Variants in BLOC1S5 observed in about 807,000 individuals in gnomAD.
BLOC1S5 encodes the protein biogenesis of lysosome-related organelles complex 1 subunit 5.
Under a neutral mutation model 24.3 loss-of-function variants are expected in BLOC1S5, and 27 were observed. The ratio of observed to expected loss-of-function variants is 1.11; its 90% CI spans 0.82 to 1.53. BLOC1S5 has a LOEUF of 1.53. Among genes scored for constraint, BLOC1S5 ranks in the 40% most tolerant of loss-of-function variants. BLOC1S5 has a pLI of 0.00. For synonymous variants in BLOC1S5, 84 were observed against 74.5 expected (o/e 1.13, Z -0.66); for missense variants, 239 against 229.4 (o/e 1.04, Z -0.27).
At chr6:8,063,437 G>A (rs990656903) in intron 1 of BLOC1S5, among the ~76,000 whole-genome samples, 1 of 152,136 alleles carries the variant, frequency 6.6e-6, no homozygotes, top group Non-Finnish European at 1.5e-5. Flanking sequence ...AAAATTCCTT[G>A]AGAAATTAAA....
chr6:8,063,635 T>C (rs995280569), intron 1 of BLOC1S5, among the ~76,000 whole-genome samples: 1 of 152,184 alleles, frequency 6.6e-6, no homozygotes, highest in Non-Finnish European at 1.5e-5. Context: ...ATCTGGTATA[T>C]ATAAAGCACT....
rs965230347 is a variant in BLOC1S5, at chr6:8,024,449, C to A, written c.384+1918G>T. Among the ~76,000 whole-genome samples the A allele has an allele frequency of 2.4e-4, 32 of 131,542 alleles. 1 individual carries two copies. The highest frequency in any genetic ancestry group is 3.1e-5 in the Non-Finnish European group (2 of 65,084). The allele number at this position is 131,542 out of a possible 152,430, so 86.3% of individuals were successfully genotyped here. ...AGGAGAATAGCTTGAACCTGGGAGG[C>A]AGCGATTGCAGTGAGCCACTGCACC... On this transcript the variant is annotated intron_variant, in intron 4 of 4. Transcript: ENST00000397457.
At chr6:8,027,225 T>C (rs1427290028) in intron 3 of BLOC1S5, 2 of 385,182 alleles carry the variant, frequency 5.2e-6, no homozygotes, top group East Asian at 7.3e-5. Flanking sequence ...AATAAAGACA[T>C]GTAGTGTGCA....
At chr6:8,033,517 T>C (rs2113544760) in intron 3 of BLOC1S5, among the ~76,000 whole-genome samples, 1 of 152,248 alleles carries the variant, frequency 6.6e-6, no homozygotes, top group Non-Finnish European at 1.5e-5. Context: ...CCTAAAACCA[T>C]AAAAACCCTA....
chr6:8,019,763 C>T (rs1489465084), intron 4 of BLOC1S5, among the ~76,000 whole-genome samples: 3 of 152,170 alleles, frequency 2.0e-5, no homozygotes, highest in Non-Finnish European at 4.4e-5. Context: ...CTACAAAGTC[C>T]ATTTACAAAT....
intron 2 of BLOC1S5, among the ~76,000 whole-genome samples, chr6:8,058,193 A>G (rs567274244): frequency 1.3e-5 from 2 of 152,104 alleles, no homozygotes; most frequent in South Asian, 4.2e-4. Flanking sequence ...TTTTTGCTAC[A>G]TGAAATGCAC....
intron 2 of BLOC1S5, among the ~76,000 whole-genome samples, chr6:8,054,806 A>G (rs1764256669): frequency 6.6e-6 from 1 of 152,230 alleles, no homozygotes; most frequent in South Asian, 2.1e-4. Context: ...ACTTCAAGAA[A>G]GTTTTTTTGA....
chr6:8,057,052 T>C (rs997946867), intron 2 of BLOC1S5, among the ~76,000 whole-genome samples: 6 of 151,974 alleles, frequency 3.9e-5, no homozygotes, highest in Non-Finnish European at 8.8e-5. Context: ...CCCTGTTCTC[T>C]ACTAAAAAAA....
chr6:8,039,719 G>T (rs1437582365), intron 3 of BLOC1S5, among the ~76,000 whole-genome samples: 1 of 152,090 alleles, frequency 6.6e-6, no homozygotes, highest in Non-Finnish European at 1.5e-5. Flanking sequence ...CAAATTACTA[G>T]TGAGTGGCTA....
chr6:8,022,347 G>A (rs562122633), intron 4 of BLOC1S5, among the ~76,000 whole-genome samples: 11 of 151,394 alleles, frequency 7.3e-5, no homozygotes, highest in African/African-American at 2.7e-4. Context: ...TGCTGAGGTT[G>A]AGAAAACCTG....
chr6:8,017,397 C>CACACACACAT (rs1270738938), intron 4 of BLOC1S5, among the ~76,000 whole-genome samples: 1 of 150,878 alleles, frequency 6.6e-6, no homozygotes, highest in Admixed American at 6.6e-5. Context: ...CACACACACA[C>CACACACACAT]ACACACACAC....
chr6:8,060,348 A>C (rs1428515483), intron 2 of BLOC1S5, among the ~76,000 whole-genome samples: 2 of 152,368 alleles, frequency 1.3e-5, no homozygotes, highest in East Asian at 3.9e-4. Flanking sequence ...TAAAGTCTGA[A>C]AGACAAGTAG....
intron 2 of BLOC1S5, among the ~76,000 whole-genome samples, chr6:8,054,630 C>T (rs536957907): frequency 2.6e-5 from 4 of 152,330 alleles, no homozygotes; most frequent in African/African-American, 9.6e-5. Context: ...TTAACAACTG[C>T]GTTTTCTTGC....
At chr6:8,045,633 T>C (rs971109659) in intron 2 of BLOC1S5, among the ~76,000 whole-genome samples, 3 of 152,146 alleles carry the variant, frequency 2.0e-5, no homozygotes, top group Non-Finnish European at 4.4e-5. Context: ...CCCAAGACCA[T>C]AGGAATCCAC....
intron 4 of BLOC1S5, chr6:8,017,683 G>C (rs1261867827): frequency 1.3e-5 from 2 of 152,148 alleles, no homozygotes; most frequent in Admixed American, 6.5e-5. Context: ...TAGTTGTTTT[G>C]CATAGCTACT....
chr6:8,050,283 A>G (rs1297684210), intron 2 of BLOC1S5, among the ~76,000 whole-genome samples: 1 of 152,166 alleles, frequency 6.6e-6, no homozygotes, highest in Non-Finnish European at 1.5e-5. Flanking sequence ...TTGGGGCGCC[A>G]CAAACCACAA....
At chr6:8,050,698 G>A (rs1764079841) in intron 2 of BLOC1S5, among the ~76,000 whole-genome samples, 1 of 151,660 alleles carries the variant, frequency 6.6e-6, no homozygotes, top group Non-Finnish European at 1.5e-5. Context: ...TGCCGCCCAG[G>A]TTCAGGCAAT....
intron 1 of BLOC1S5, among the ~76,000 whole-genome samples, chr6:8,063,658 T>G (rs199943271): frequency 6.6e-6 from 1 of 152,302 alleles, no homozygotes; most frequent in East Asian, 1.9e-4. Flanking sequence ...AACTCAACTG[T>G]CAAAGACTTT....
intron 4 of BLOC1S5, among the ~76,000 whole-genome samples, chr6:8,024,483 C>CCA (rs1294550717): frequency 1.4e-5 from 2 of 144,406 alleles, no homozygotes; most frequent in Admixed American, 7.2e-5. Flanking sequence ...CCACTGCCCT[C>CCA]CAGCCTGGGT....
Sources: allele counts gnomAD v4.1 joint callset (sites outside exome capture counted in the v4.1 genomes callset), GRCh38; gene constraint gnomAD v4.1.1; transcripts MANE v1.5; gene names NCBI Gene and HGNC (gene_info 2026-07-23, HGNC 2026-07-21).